Variants in CNTN6 observed in about 807,000 individuals in gnomAD.
The protein encoded by CNTN6 is contactin-6.
CNTN6 carries 137 observed loss-of-function variants against 122.8 expected under a neutral mutation model. The observed-to-expected ratio is 1.12, with a 90% CI of 0.97 to 1.29. The LOEUF (loss-of-function observed/expected upper bound fraction) is 1.29. Ranked by LOEUF, CNTN6 falls within the 50% of genes most tolerant of loss-of-function variation. The probability of loss-of-function intolerance (pLI) is 0.00; values close to 1 mark genes in which losing one functional copy is unlikely to be tolerated. For synonymous variants in CNTN6, 570 were observed against 426.0 expected, an observed-to-expected ratio of 1.34 and a Z score of -4.16; for missense variants, 1,634 against 1,223.4, an observed-to-expected ratio of 1.34 and a Z score of -5.01.
chr3:1,102,748 A>C (rs1384293973), intron 1 of CNTN6, among the ~76,000 whole-genome samples: 2 of 148,914 alleles, frequency 1.3e-5, no homozygotes, highest in Non-Finnish European at 3.0e-5. Context: ...TAAATACATA[A>C]ATAAGAAATA....
At chr3:1,160,848 G>C (rs1216657876) in intron 2 of CNTN6, among the ~76,000 whole-genome samples, 1 of 151,852 alleles carries the variant, frequency 6.6e-6, no homozygotes, top group Non-Finnish European at 1.5e-5. Context: ...TTAGTTTCAG[G>C]AATTTTGTAA....
chr3:1,352,825 A>G (rs1705869611), intron 12 of CNTN6, among the ~76,000 whole-genome samples: 1 of 151,816 alleles, frequency 6.6e-6, no homozygotes, highest in Non-Finnish European at 1.5e-5. Context: ...AAATATTTAC[A>G]TGTATATAAG....
chr3:1,284,899 G>T (rs891636850), intron 5 of CNTN6, among the ~76,000 whole-genome samples: 18 of 152,158 alleles, frequency 1.2e-4, no homozygotes, highest in Non-Finnish European at 1.5e-5. Flanking sequence ...CAGCATAGGT[G>T]AATTAAAATG....
intron 7 of CNTN6, among the ~76,000 whole-genome samples, chr3:1,300,114 C>G: frequency 6.6e-6 from 1 of 151,854 alleles, no homozygotes; most frequent in Non-Finnish European, 1.5e-5. Context: ...GTAGCTGGGA[C>G]TACAGGTGCC....
chr3:1,145,603 G>C (rs2125159994), intron 1 of CNTN6, among the ~76,000 whole-genome samples: 1 of 152,188 alleles, frequency 6.6e-6, no homozygotes, highest in South Asian at 2.1e-4. Flanking sequence ...ATGACAATTG[G>C]ATACATGGAA....
At chr3:1,294,873 A>C (rs747289242) in intron 5 of CNTN6, among the ~76,000 whole-genome samples, 3 of 152,184 alleles carry the variant, frequency 2.0e-5, no homozygotes, top group African/African-American at 7.2e-5. Context: ...GGCAATTAGC[A>C]GTAACTGGTG....
rs552287066 is a variant in CNTN6 at position 1,365,444 on chromosome 3, C to G, written c.1493-6855C>G. Reference sequence around the variant, plus strand: ...TGTGTATGCATGTTAAATAAAAACACATATATTTTATATGTGAATATATGA... The same window carrying G: ...TGTGTATGCATGTTAAATAAAAACAGATATATTTTATATGTGAATATATGA... On this transcript the variant is annotated intron_variant, in intron 12 of 22. Coordinates refer to ENST00000446702, the MANE Select transcript of CNTN6 (RefSeq NM_001289080.2). Among the ~76,000 whole-genome samples, 3 of 151,846 alleles carry G rather than the reference C, an allele frequency of 2.0e-5. No homozygotes were observed. In the South Asian group the frequency reaches 6.2e-4, roughly 32 times the overall value.
rs746931332 is a variant in CNTN6, at chr3:1,385,769, C to G, written c.2676C>G (p.Pro892=). 13 of 1,611,506 alleles carry G rather than the reference C, an allele frequency of 8.1e-6. No individual in the cohort carries two copies. In the South Asian group the frequency reaches 9.9e-5, roughly 12 times the overall value. The change falls in exon 20 of 23, where the codon CCC becomes CCG. Residue 892 remains proline, a synonymous_variant. Coordinates refer to ENST00000446702, the MANE Select transcript of CNTN6 (RefSeq NM_001289080.2). ...YNTAGTGPSS[P]PVNVTTKKSP... ...CTGCTGGGACAGGGCCCTCAAGCCC[C>G]CCAGTCAATGTTACCACCAAAAAGT...
chr3:1,372,690 G>A, intron 13 of CNTN6, 148 bp from the exon 14 acceptor site: 1 of 668,888 alleles, frequency 1.5e-6, no homozygotes, highest in South Asian at 2.1e-5. Flanking sequence ...GATAATAAAA[G>A]GGTTTAGATA....
In CNTN6 at chr3:1,297,886, C is replaced by A; in HGVS notation, c.659-3C>A. ...TGCTGCTAGCTCTTTTGATATTTAA[C>A]AGGTGTGATGGGGGAATATGAACCA... On this transcript the variant is annotated splice_polypyrimidine_tract_variant and splice_region_variant and intron_variant, in intron 6 of 22. Transcript: ENST00000446702. The A allele has an allele frequency of 6.2e-7, 1 of 1,604,586 alleles. No individual in the cohort carries two copies. The highest frequency in any genetic ancestry group is 1.1e-5 in the South Asian group (1 of 89,396).
chr3:1,184,250 A>G (rs1174534435), intron 2 of CNTN6, among the ~76,000 whole-genome samples: 2 of 152,096 alleles, frequency 1.3e-5, no homozygotes, highest in African/African-American at 2.4e-5. Context: ...GGGTCATCCT[A>G]GGATCTTCCC....
At chr3:1,287,389 A>C (rs1002091125) in intron 5 of CNTN6, among the ~76,000 whole-genome samples, 3 of 152,196 alleles carry the variant, frequency 2.0e-5, no homozygotes, top group Non-Finnish European at 4.4e-5. Flanking sequence ...GGGCAAAACT[A>C]TCCTTAGTTG....
intron 2 of CNTN6, among the ~76,000 whole-genome samples, chr3:1,180,024 A>T (rs983434505): frequency 6.6e-6 from 1 of 152,172 alleles, no homozygotes; most frequent in Non-Finnish European, 1.5e-5. Context: ...CAGCTCTCTG[A>T]CTAGTTCAAG....
intron 8 of CNTN6, 117 bp downstream of exon 8, chr3:1,321,951 T>C (rs1700922051): frequency 2.3e-6 from 2 of 873,624 alleles, no homozygotes; most frequent in African/African-American, 1.7e-5. Context: ...GGAAGGCATA[T>C]TTCCGGGTTT....
intron 5 of CNTN6, among the ~76,000 whole-genome samples, chr3:1,281,979 G>A (rs1025334724): frequency 9.3e-6 from 1 of 107,320 alleles, no homozygotes; most frequent in Non-Finnish European, 1.8e-5. Context: ...GATATATATA[G>A]GTATACACAC....
intron 19 of CNTN6, among the ~76,000 whole-genome samples, chr3:1,384,685 T>C (rs201351198): frequency 0.027 from 2,033 of 76,648 alleles, 26 homozygotes; most frequent in South Asian, 0.047. Context: ...TATATATATA[T>C]ATACACACAC....
chr3:1,220,849 T>G, intron 3 of CNTN6, 36 bp downstream of exon 3: 3 of 1,563,300 alleles, frequency 1.9e-6, no homozygotes, highest in Non-Finnish European at 2.6e-6. Context: ...ACTATTTTGT[T>G]CTTCCTCACT....
At chr3:1,097,115 A>C (rs181695881) in intron 1 of CNTN6, among the ~76,000 whole-genome samples, 181 of 152,362 alleles carry the variant, frequency 1.2e-3, no homozygotes, top group African/African-American at 4.2e-3. Context: ...GATGTGTTGT[A>C]GTATTAAACA....
chr3:1,129,508 G>A (rs1247408471), intron 1 of CNTN6, among the ~76,000 whole-genome samples: 1 of 152,042 alleles, frequency 6.6e-6, no homozygotes, highest in African/African-American at 2.4e-5. Flanking sequence ...GTGACCTACA[G>A]TAAATTACCC....
Sources: allele counts gnomAD v4.1 joint callset (sites outside exome capture counted in the v4.1 genomes callset), GRCh38; gene constraint gnomAD v4.1.1; transcripts MANE v1.5; gene names NCBI Gene and HGNC (gene_info 2026-07-23, HGNC 2026-07-21).